The following CNTN4 variants were observed in gnomAD, a reference collection of about 807,000 sequenced individuals.
CNTN4 encodes the protein contactin-4.
CNTN4 carries 77 observed loss-of-function variants against 122.5 expected under a neutral mutation model. The ratio of observed to expected loss-of-function variants is 0.63; its 90% CI spans 0.52 to 0.76. CNTN4 has a LOEUF of 0.76. Among genes scored for constraint, CNTN4 ranks in the 30% least tolerant of loss-of-function variants. CNTN4 has a pLI of 0.00. For synonymous variants in CNTN4, 512 were observed against 447.0 expected (o/e 1.15, Z -1.83); for missense variants, 1,256 against 1,259.1 (o/e 1.00, Z 0.04).
At chr3:2,540,227 T>G (rs1187986446) in intron 3 of CNTN4, among the ~76,000 whole-genome samples, 1 of 152,054 alleles carries the variant, frequency 6.6e-6, no homozygotes, top group African/African-American at 2.4e-5. Context: ...TTATTTCCTT[T>G]TGTGATTAAT....
intron 4 of CNTN4, among the ~76,000 whole-genome samples, chr3:2,672,387 C>T (rs113418969): frequency 0.027 from 4,185 of 152,232 alleles, 182 homozygotes; most frequent in African/African-American, 0.096. Flanking sequence ...ATAAGGGAGG[C>T]TCCATGGATG....
At chr3:2,931,478 C>T (rs114376122) in intron 13 of CNTN4, among the ~76,000 whole-genome samples, 1,726 of 152,216 alleles carry the variant, frequency 0.011, 32 homozygotes, top group African/African-American at 0.039. Context: ...GTCATTCAAA[C>T]GGGGATTCCC....
At chr3:2,247,798 T>C (rs916085919) in intron 2 of CNTN4, among the ~76,000 whole-genome samples, 5 of 152,126 alleles carry the variant, frequency 3.3e-5, no homozygotes, top group East Asian at 3.9e-4. Context: ...GAAAGTGTGG[T>C]ACTTAGAAGT....
At chr3:2,611,411 G>A (rs1174252280) in intron 4 of CNTN4, among the ~76,000 whole-genome samples, 2 of 152,012 alleles carry the variant, frequency 1.3e-5, no homozygotes, top group Admixed American at 6.6e-5. Context: ...ACAGAGGGAA[G>A]GACAGGTAAA....
chr3:2,640,325 A>T (rs2082846534), intron 4 of CNTN4, among the ~76,000 whole-genome samples: 1 of 152,132 alleles, frequency 6.6e-6, no homozygotes, highest in Non-Finnish European at 1.5e-5. Flanking sequence ...CACTTTTTAT[A>T]TTTTTCTTTA....
chr3:2,932,371 C>G (rs893678474), intron 13 of CNTN4, among the ~76,000 whole-genome samples: 1 of 152,036 alleles, frequency 6.6e-6, no homozygotes, highest in Non-Finnish European at 1.5e-5. Flanking sequence ...GAGCGAGACT[C>G]CGTCTCAAAA....
At chr3:2,130,519 C>T (rs1486844483) in intron 2 of CNTN4, among the ~76,000 whole-genome samples, 1 of 152,184 alleles carries the variant, frequency 6.6e-6, no homozygotes, top group Non-Finnish European at 1.5e-5. Flanking sequence ...GTTCTAATTA[C>T]ATGCCTTAAC....
chr3:2,923,786 TTTAA>T (rs1195768916), intron 12 of CNTN4, among the ~76,000 whole-genome samples: 1 of 152,246 alleles, frequency 6.6e-6, no homozygotes, highest in Non-Finnish European at 1.5e-5. Flanking sequence ...CATGTTTATA[TTTAA>T]TTATGTTTGA....
intron 2 of CNTN4, among the ~76,000 whole-genome samples, chr3:2,170,329 A>C (rs941783095): frequency 6.6e-6 from 1 of 152,280 alleles, no homozygotes; most frequent in East Asian, 1.9e-4. Flanking sequence ...CAAAACAAAA[A>C]AACAACAACA....
intron 2 of CNTN4, among the ~76,000 whole-genome samples, chr3:2,103,948 G>A (rs557497756): frequency 6.6e-5 from 10 of 152,202 alleles, no homozygotes; most frequent in East Asian, 3.9e-4. Context: ...AATAGTAAGC[G>A]TATACTTTTT....
intron 2 of CNTN4, among the ~76,000 whole-genome samples, chr3:2,329,720 C>T (rs2043636493): frequency 7.3e-6 from 1 of 137,612 alleles, no homozygotes. Context: ...ATAATACACT[C>T]TGCCTTATTG....
chr3:2,976,707 T>C (rs920284304), intron 13 of CNTN4, among the ~76,000 whole-genome samples: 1 of 152,230 alleles, frequency 6.6e-6, no homozygotes, highest in South Asian at 2.1e-4. Context: ...AATCTTTCTT[T>C]CTATAATTCA....
intron 14 of CNTN4, among the ~76,000 whole-genome samples, chr3:3,007,101 G>C (rs1422773980): frequency 6.6e-6 from 1 of 152,014 alleles, no homozygotes; most frequent in Non-Finnish European, 1.5e-5. Flanking sequence ...CCTAGAAAAA[G>C]TAAATCATTA....
intron 2 of CNTN4, among the ~76,000 whole-genome samples, chr3:2,170,245 G>C (rs532561629): frequency 1.3e-5 from 2 of 151,764 alleles, no homozygotes; most frequent in Non-Finnish European, 2.9e-5. Flanking sequence ...GCGGGAACCC[G>C]GGAGGCGGAG....
In CNTN4 at chr3:2,887,182, T is replaced by C; in HGVS notation, c.898T>C (p.Ser300Pro). The C allele has an allele frequency of 6.2e-7, 1 of 1,614,000 alleles. No homozygotes were observed. Among genetic ancestry groups the C allele is most frequent in the Non-Finnish European group, 8.5e-7 (1 of 1,180,014 alleles). The change falls in exon 10 of 25, where the codon TCC becomes CCC. Residue 300 changes from serine to proline, a missense_variant. By Grantham distance (74) the Ser-to-Pro change is moderately conservative (BLOSUM62 -1). Transcript: ENST00000418658. ...TTTATATGAATGTGTAGCTGAAAAT[T>C]CCAGAGGGAAAAATGTAGCAAGGGG... ...AGLYECVAENSRGKNVARGQL... is the reference protein window; with the variant it reads ...AGLYECVAENPRGKNVARGQL...
intron 13 of CNTN4, among the ~76,000 whole-genome samples, chr3:2,985,864 ATGT>A (rs1694511962): frequency 6.6e-6 from 1 of 151,520 alleles, no homozygotes; most frequent in South Asian, 2.1e-4. Flanking sequence ...TATTAAAATG[ATGT>A]TGTCCAATTT....
chr3:2,273,653 A>G (rs1440675979), intron 2 of CNTN4, among the ~76,000 whole-genome samples: 1 of 152,168 alleles, frequency 6.6e-6, no homozygotes, highest in Non-Finnish European at 1.5e-5. Flanking sequence ...TGCCTAGTAA[A>G]GGAAATCTTT....
chr3:2,587,657 A>T (rs944843541), intron 4 of CNTN4, among the ~76,000 whole-genome samples: 1 of 152,160 alleles, frequency 6.6e-6, no homozygotes, highest in African/African-American at 2.4e-5. Flanking sequence ...TATGCGCTCG[A>T]TTCAGTTGAA....
In CNTN4 at chr3:2,367,051, C is replaced by T. The variant is rs557157178; in HGVS notation, c.-89+27818C>T. ...CTTGAATCTCCCTATATTGAACCTTCATTTTCTAATATTTATTGTGCAGTT... is the reference window on the plus strand; with the variant it reads ...CTTGAATCTCCCTATATTGAACCTTTATTTTCTAATATTTATTGTGCAGTT... On this transcript the variant is annotated intron_variant, in intron 3 of 24. Coordinates refer to ENST00000418658, the MANE Select transcript of CNTN4 (RefSeq NM_175607.3). 5.9e-5 allele frequency among the ~76,000 whole-genome samples: 9 copies of T among 151,880 alleles called. No individual in the cohort carries two copies. In the East Asian group the frequency reaches 1.7e-3, roughly 29 times the overall value.
Sources: gnomAD v4.1 joint callset for allele counts (sites outside exome capture counted in the v4.1 genomes callset) on GRCh38, gnomAD v4.1.1 for gene constraint, MANE v1.5 for transcripts, NCBI Gene and HGNC (gene_info 2026-07-23, HGNC 2026-07-21) for gene names.